The following ACBD6 variants were observed in gnomAD, a reference collection of about 807,000 sequenced individuals.
ACBD6 encodes acyl-CoA-binding domain-containing protein 6.
A neutral mutation model predicts 37.2 loss-of-function variants in ACBD6; 28 were observed. The observed-to-expected ratio is 0.75, with a 90% CI of 0.56 to 1.03. The LOEUF is 1.03. ACBD6 is among the 50% of genes least tolerant of loss of function. The pLI, the probability that ACBD6 is intolerant of heterozygous loss-of-function variation, is 0.00. For synonymous variants in ACBD6, 113 were observed against 126.8 expected (o/e 0.89, Z 0.73); for missense variants, 340 against 337.4 (o/e 1.01, Z -0.06).
chr1:180,349,820 T>C (rs1235245997), intron 6 of ACBD6, among the ~76,000 whole-genome samples: 2 of 152,116 alleles, frequency 1.3e-5, no homozygotes, highest in African/African-American at 4.8e-5. Flanking sequence ...CAAATCCTCT[T>C]TGGTTTTTCC....
intron 1 of ACBD6, among the ~76,000 whole-genome samples, chr1:180,498,952 G>C (rs947898561): frequency 6.6e-6 from 1 of 151,972 alleles, no homozygotes; most frequent in Non-Finnish European, 1.5e-5. Flanking sequence ...CTGTCAATTA[G>C]CTATCTTTAG....
chr1:180,295,932 T>C (rs1649899183), intron 7 of ACBD6, among the ~76,000 whole-genome samples: 1 of 152,152 alleles, frequency 6.6e-6, no homozygotes, highest in Non-Finnish European at 1.5e-5. Context: ...CATCTCTTAT[T>C]TTCAATCAAA....
chr1:180,397,434 A>G (rs570050819), intron 6 of ACBD6, 82 bp downstream of exon 6: 42 of 1,248,142 alleles, frequency 3.4e-5, no homozygotes, highest in Non-Finnish European at 4.6e-5. Flanking sequence ...TGCACATTTC[A>G]AAAGAGTTAA....
intron 3 of ACBD6, among the ~76,000 whole-genome samples, chr1:180,459,890 G>A (rs775513147): frequency 4.0e-5 from 6 of 151,688 alleles, no homozygotes; most frequent in Non-Finnish European, 7.4e-5. Context: ...GGGCTTAGGG[G>A]AGTCCGAACC....
chr1:180,409,661 C>T (rs1285842741), intron 5 of ACBD6, among the ~76,000 whole-genome samples: 1 of 152,104 alleles, frequency 6.6e-6, no homozygotes, highest in Non-Finnish European at 1.5e-5. Flanking sequence ...CAAATTTAAC[C>T]AACAGATACT....
Position 180,502,192 on chromosome 1 carries a change from G to C in ACBD6, c.75C>G (p.Ser25=). Reference sequence around the variant, plus strand: ...GGCTATGGGGGAACTCCACCTCCCCGGAGTCGTCCCCTGAGCTCAGCTCTC... The same window carrying C: ...GGCTATGGGGGAACTCCACCTCCCCCGAGTCGTCCCCTGAGCTCAGCTCTC... The part of the protein sequence containing the change: ...SGGELSSGDD[S]GEVEFPHSPE... The change falls in exon 1 of 8, where the codon TCC becomes TCG. Residue 25 remains serine (S), a synonymous_variant. Coordinates refer to ENST00000367595, the MANE Select transcript of ACBD6 (RefSeq NM_032360.4). 1.2e-6 allele frequency: 2 copies of C among 1,614,058 alleles called. No homozygotes were observed. The highest frequency in any genetic ancestry group is 1.3e-5 in the African/African-American group (1 of 75,076).
rs779121533 is a variant in ACBD6 at position 180,446,911 on chromosome 1, C to T, written c.385-16649G>A. On this transcript the variant is annotated intron_variant, in intron 3 of 7. Coordinates refer to ENST00000367595, the MANE Select transcript of ACBD6 (RefSeq NM_032360.4). Reference sequence around the variant, plus strand: ...CAAAAATTAGCTGGGCATGGTGGTGCATATCTGTAATCCCAGCTACTTGGG... The same window carrying T: ...CAAAAATTAGCTGGGCATGGTGGTGTATATCTGTAATCCCAGCTACTTGGG... Among the ~76,000 whole-genome samples the T allele has an allele frequency of 1.3e-3, 195 of 152,092 alleles. 1 individual carries two copies. The highest frequency in any genetic ancestry group is 1.3e-4 in the Non-Finnish European group (9 of 67,962).
At chr1:180,273,074 G>A (rs1648788784) in intron 12 of ACBD6, 1 of 152,258 alleles carries the variant, frequency 6.6e-6, no homozygotes, top group Non-Finnish European at 1.5e-5. Flanking sequence ...TTTTCATAAG[G>A]GGAATGGGGG....
intron 6 of ACBD6, among the ~76,000 whole-genome samples, chr1:180,337,205 G>C (rs1325241994): frequency 6.6e-6 from 1 of 152,030 alleles, no homozygotes; most frequent in African/African-American, 2.4e-5. Flanking sequence ...AACAAAAAAA[G>C]AGAATTTTAG....
chr1:180,320,043 A>G (rs1187670351), intron 6 of ACBD6, among the ~76,000 whole-genome samples: 1 of 152,146 alleles, frequency 6.6e-6, no homozygotes, highest in African/African-American at 2.4e-5. Context: ...GCTGGATCCT[A>G]TGATAGCTCT....
chr1:180,303,518 A>C (rs1198114946), intron 7 of ACBD6, among the ~76,000 whole-genome samples: 3 of 151,064 alleles, frequency 2.0e-5, no homozygotes, highest in South Asian at 2.1e-4. Context: ...GAAATGGATA[A>C]ATTCCTCGAC....
intron 9 of ACBD6, chr1:180,278,354 A>C (rs1295284296): frequency 1.3e-5 from 2 of 151,814 alleles, no homozygotes; most frequent in Non-Finnish European, 2.9e-5. Context: ...TCTTTCTTGG[A>C]TTGGTCAATT....
chr1:180,469,152 C>T (rs182913336), intron 3 of ACBD6, among the ~76,000 whole-genome samples: 157 of 152,218 alleles, frequency 1.0e-3, no homozygotes, highest in Non-Finnish European at 2.0e-3. Context: ...TCTATTTTTC[C>T]TCTTAGGCTC....
At chr1:180,338,128 G>A (rs1264291207) in intron 6 of ACBD6, among the ~76,000 whole-genome samples, 2 of 152,142 alleles carry the variant, frequency 1.3e-5, no homozygotes, top group Non-Finnish European at 2.9e-5. Flanking sequence ...TAGATTCAAT[G>A]CCATCCCCAT....
chr1:180,297,790 G>T (rs967631952), intron 7 of ACBD6, among the ~76,000 whole-genome samples: 3 of 152,098 alleles, frequency 2.0e-5, no homozygotes, highest in Admixed American at 6.6e-5. Context: ...GCCCAGGCTG[G>T]AGTGCAATGG....
At chr1:180,397,423 T>A (rs1052917836) in intron 6 of ACBD6, 93 bp downstream of exon 6, 1 of 1,094,502 alleles carries the variant, frequency 9.1e-7, no homozygotes, top group African/African-American at 1.5e-5. Context: ...CGCCACTGAA[T>A]TGCACATTTC....
Position 180,502,487 on chromosome 1 carries a change from G to C in ACBD6, c.-221C>G, listed in dbSNP as rs1292442862. On this transcript the variant is annotated 5_prime_UTR_variant, in exon 1 of 8. Transcript: ENST00000367595. ...CCTCGACCCTCTGCCGCTCTGCCCA[G>C]TCGACCCGGTCTCCTCCGGCTTCCC... 1 of 587,262 alleles carries C rather than the reference G, an allele frequency of 1.7e-6. No homozygotes were observed. Among genetic ancestry groups the C allele is most frequent in the Admixed American group, 2.8e-5 (1 of 35,694 alleles). The allele number at this position is 587,262 out of a possible 1,614,324, so 36.4% of individuals were successfully genotyped here. A position where few individuals can be genotyped will look rare whatever the true frequency, so the allele number is the denominator to read the frequency against.
chr1:180,328,397 G>A (rs1651340167), intron 6 of ACBD6, among the ~76,000 whole-genome samples: 1 of 150,806 alleles, frequency 6.6e-6, no homozygotes. Context: ...ATTCCAAGTG[G>A]AAAATTCTCT....
chr1:180,271,738 G>A (rs1648674251), exon 14 of ACBD6: 2 of 1,413,932 alleles, frequency 1.4e-6, no homozygotes, highest in African/African-American at 1.4e-5. Flanking sequence ...CTCCATTCAG[G>A]CTTCAGTCTG....
Sources: gnomAD v4.1 joint callset for allele counts (sites outside exome capture counted in the v4.1 genomes callset) on GRCh38, gnomAD v4.1.1 for gene constraint, MANE v1.5 for transcripts, NCBI Gene and HGNC (gene_info 2026-07-23, HGNC 2026-07-21) for gene names.